Variants in CFAP54 observed in about 807,000 individuals in gnomAD.
CFAP54 encodes cilia- and flagella-associated protein 54.
CFAP54 carries 290 observed loss-of-function variants against 370.4 expected under a neutral mutation model. That is an observed-to-expected ratio of 0.78 (90% CI 0.71 to 0.86). The LOEUF is 0.86. CFAP54 is among the 40% of genes least tolerant of loss of function. CFAP54 has a pLI of 0.00. For synonymous variants in CFAP54, 1,206 were observed against 1,236.5 expected (o/e 0.98, Z 0.52); for missense variants, 3,399 against 3,528.7 (o/e 0.96, Z 0.93).
intron 33 of CFAP54, chr12:96,645,188 G>A (rs998159712): frequency 6.4e-5 from 29 of 456,272 alleles, no homozygotes; most frequent in Non-Finnish European, 1.0e-4. Context: ...AGTGTCTTTG[G>A]CTAAGTGCTG....
intron 24 of CFAP54, among the ~76,000 whole-genome samples, chr12:96,593,574 C>T (rs1956147412): frequency 6.6e-6 from 1 of 152,082 alleles, no homozygotes; most frequent in Non-Finnish European, 1.5e-5. Context: ...AAAACAAAGA[C>T]AATTTTCAAG....
At chr12:96,774,854 G>A (rs1262211013) in intron 60 of CFAP54, among the ~76,000 whole-genome samples, 1 of 151,904 alleles carries the variant, frequency 6.6e-6, no homozygotes, top group Non-Finnish European at 1.5e-5. Context: ...TCTTCTTATT[G>A]TATTATAATT....
chr12:96,625,916 C>A, intron 29 of CFAP54, 109 bp downstream of exon 29: 3 of 835,844 alleles, frequency 3.6e-6, no homozygotes, highest in Non-Finnish European at 5.5e-6. Flanking sequence ...CTGTTTCAGG[C>A]AGAATATTTT....
rs1029560229 is a variant in CFAP54 at position 96,681,103 on chromosome 12, A to G, written c.5716+1351A>G. 5.1e-5 allele frequency among the ~76,000 whole-genome samples: 7 copies of G among 136,058 alleles called. No individual in the cohort carries two copies. The East Asian group carries it at 1.8e-3, about 35-fold the overall frequency. The allele number at this position is 136,058 out of a possible 152,430, so 89.3% of individuals were successfully genotyped here. A position where few individuals can be genotyped will look rare whatever the true frequency, so the allele number is the denominator to read the frequency against. ...TCAAAATGAAACAGAACAAAACAAA[A>G]CAGAAAAGCACCCCCCCACACACAC... is the stretch of plus-strand genomic sequence containing the variant. On this transcript the variant is annotated intron_variant, in intron 40 of 67. Transcript: ENST00000524981.
At chr12:96,573,245 C>G (rs1221810903) in intron 19 of CFAP54, among the ~76,000 whole-genome samples, 4 of 152,154 alleles carry the variant, frequency 2.6e-5, no homozygotes, top group African/African-American at 7.2e-5. Flanking sequence ...CCTGAAATAT[C>G]TTGGTCTCTA....
At chr12:96,801,864 GAC>G (rs1958823353) in intron 63 of CFAP54, among the ~76,000 whole-genome samples, 1 of 152,136 alleles carries the variant, frequency 6.6e-6, no homozygotes, top group South Asian at 2.1e-4. Flanking sequence ...AGTTTGGGCT[GAC>G]ATGGCTGTAG....
rs1025778409 is a variant in CFAP54 at position 96,623,859 on chromosome 12, C to T, written c.3864C>T (p.His1288=). 3.8e-5 allele frequency: 58 copies of T among 1,533,434 alleles called. No individual in the cohort carries two copies. In the East Asian group the frequency reaches 1.4e-3, roughly 36 times the overall value. 95.0% of individuals were successfully genotyped at this position (1,533,434 alleles called of 1,614,324 possible). A position where few individuals can be genotyped will look rare whatever the true frequency, so the allele number is the denominator to read the frequency against. The change falls in exon 28 of 68, where the codon CAC becomes CAT. Residue 1288 remains histidine (H), a synonymous_variant. Transcript: ENST00000524981. ...AACAGCTGGCCTTGTTGGAGACACA[C>T]CTACTCAAACTGACAAAGCAATGTA... ...INEQLALLET[H]LLKLTKQYVT...
At chr12:96,734,103 T>A (rs1008447527) in intron 50 of CFAP54, among the ~76,000 whole-genome samples, 2 of 152,208 alleles carry the variant, frequency 1.3e-5, no homozygotes, top group Non-Finnish European at 2.9e-5. Flanking sequence ...AAAAACAAGT[T>A]AATTACAGCA....
chr12:96,864,334 A>G (rs1419405137), intron 67 of CFAP54, among the ~76,000 whole-genome samples: 2 of 152,168 alleles, frequency 1.3e-5, no homozygotes, highest in Admixed American at 6.5e-5. Context: ...GTGATAGGTA[A>G]TAAAACTGCA....
intron 67 of CFAP54, among the ~76,000 whole-genome samples, chr12:96,872,969 G>A (rs1227219889): frequency 6.6e-6 from 1 of 152,178 alleles, no homozygotes; most frequent in African/African-American, 2.4e-5. Context: ...AGAAAGAGAA[G>A]AAAAGAATAG....
At chr12:96,836,903 C>A (rs147040275) in intron 66 of CFAP54, among the ~76,000 whole-genome samples, 4 of 152,150 alleles carry the variant, frequency 2.6e-5, no homozygotes, top group Non-Finnish European at 5.9e-5. Context: ...TTATAGCTCC[C>A]TTTAACTTTA....
chr12:96,615,864 G>C (rs1348191083), intron 26 of CFAP54, among the ~76,000 whole-genome samples: 3 of 152,128 alleles, frequency 2.0e-5, no homozygotes, highest in African/African-American at 4.8e-5. Flanking sequence ...CAGGAAACAA[G>C]AGGTGCTGGA....
chr12:96,625,787 T>C lies in CFAP54; in HGVS notation c.3956T>C (p.Val1319Ala), dbSNP rs1956543840. The C allele has an allele frequency of 1.3e-6, 2 of 1,535,560 alleles. No homozygotes were observed. The highest frequency in any genetic ancestry group is 1.7e-6 in the Non-Finnish European group (2 of 1,146,592). ...FLYPVVLNWSVKGAVKEVMKF... is the reference protein window; with the variant it reads ...FLYPVVLNWSAKGAVKEVMKF... ...TATCCTGTAGTTTTGAATTGGTCGG[T>C]CAAAGGTGCCGTGAAAGAAGGTAGG... is the stretch of plus-strand genomic sequence containing the variant. The change falls in exon 29 of 68, where the codon GTC becomes GCC. Residue 1319 changes from valine to alanine, a missense_variant. Coordinates refer to ENST00000524981, the MANE Select transcript of CFAP54 (RefSeq NM_001306084.2).
At chr12:96,550,175 C>A (rs1468934959) in intron 15 of CFAP54, among the ~76,000 whole-genome samples, 1 of 151,702 alleles carries the variant, frequency 6.6e-6, no homozygotes, top group African/African-American at 2.4e-5. Flanking sequence ...TAAATGTCGA[C>A]TGTGATGAGG....
chr12:96,805,203 C>G (rs572680487), intron 63 of CFAP54, among the ~76,000 whole-genome samples: 1 of 151,960 alleles, frequency 6.6e-6, no homozygotes, highest in Admixed American at 6.6e-5. Context: ...TGACCAAGTC[C>G]TCAAAATCAA....
In CFAP54 at chr12:96,639,361, C is replaced by A. The variant is rs953013716; in HGVS notation, c.4317-4817C>A. On this transcript the variant is annotated intron_variant, in intron 32 of 67. Coordinates refer to ENST00000524981, the MANE Select transcript of CFAP54 (RefSeq NM_001306084.2). ...GGATAAATTCCTTGACACATACACT[C>A]TCCCAAGACTAAACCAGGAAGAAGT... Among the ~76,000 whole-genome samples the A allele has an allele frequency of 6.6e-5, 10 of 152,344 alleles. 1 individual carries two copies. Among genetic ancestry groups the A allele is most frequent in the African/African-American group, 2.2e-4 (9 of 41,582 alleles).
At chr12:96,605,520 C>A (rs1169535895) in intron 26 of CFAP54, among the ~76,000 whole-genome samples, 1 of 152,180 alleles carries the variant, frequency 6.6e-6, no homozygotes, top group Admixed American at 6.5e-5. Context: ...CTGTGCCAGT[C>A]AAGAGTGCTG....
chr12:96,829,557 GGTGCCA>G (rs1959163992), intron 66 of CFAP54, among the ~76,000 whole-genome samples: 1 of 151,922 alleles, frequency 6.6e-6, no homozygotes, highest in African/African-American at 2.4e-5. Context: ...TGTTGTGTCA[GGTGCCA>G]TTTACATAGC....
At chr12:96,708,557 C>G (rs762780181) in intron 47 of CFAP54, 51 bp from the exon 48 acceptor site, 3 of 1,462,450 alleles carry the variant, frequency 2.1e-6, no homozygotes, top group African/African-American at 1.4e-5. Flanking sequence ...ATAATAATAT[C>G]TGAAAAAGTA....
Sources: gnomAD v4.1 joint callset for allele counts (sites outside exome capture counted in the v4.1 genomes callset) on GRCh38, gnomAD v4.1.1 for gene constraint, MANE v1.5 for transcripts, NCBI Gene and HGNC (gene_info 2026-07-23, HGNC 2026-07-21) for gene names.